Variants in MTR observed in about 807,000 individuals in gnomAD.
The protein encoded by MTR is 5-methyltetrahydrofolate-homocysteine methyltransferase.
MTR carries 84 observed loss-of-function variants against 154.8 expected under a neutral mutation model. That is an observed-to-expected ratio of 0.54 (90% CI 0.45 to 0.65). The LOEUF is 0.65. Ranked by LOEUF, MTR falls within the 30% of genes least tolerant of loss-of-function variation. The pLI, the probability that MTR is intolerant of heterozygous loss-of-function variation, is 0.00. For synonymous variants in MTR, 554 were observed against 553.9 expected, an observed-to-expected ratio of 1.00 and a Z score of 0.00; for missense variants, 1,275 against 1,570.2, an observed-to-expected ratio of 0.81 and a Z score of 3.18.
At chr1:236,870,432 G>T (rs566893690) in intron 22 of MTR, among the ~76,000 whole-genome samples, 1 of 152,306 alleles carries the variant, frequency 6.6e-6, no homozygotes, top group African/African-American at 2.4e-5. Context: ...GTCTAGATGT[G>T]TGTTTCTCAA....
intron 22 of MTR, among the ~76,000 whole-genome samples, chr1:236,871,855 A>T (rs527961702): frequency 3.3e-5 from 5 of 151,958 alleles, no homozygotes; most frequent in East Asian, 3.9e-4. Context: ...AACTTTTTTT[A>T]AAAAAGTAAT....
chr1:236,869,363 A>G (rs953691744), intron 22 of MTR, among the ~76,000 whole-genome samples: 1 of 152,138 alleles, frequency 6.6e-6, no homozygotes, highest in Non-Finnish European at 1.5e-5. Flanking sequence ...AAGCACTTAA[A>G]AAAAGAGTTT....
chr1:236,806,125 T>A lies in MTR; in HGVS notation c.250-19T>A. On this transcript the variant is annotated intron_variant, in intron 2 of 32. Transcript: ENST00000366577. ...GAAACTCTAAAGCTCATAATTGACA[T>A]TATAATCTCTTGTTGCAGGAATACT... is the stretch of plus-strand genomic sequence containing the variant. 6.2e-7 allele frequency: 1 copy of A among 1,605,984 alleles called. No individual in the cohort carries two copies.
At position 236,901,692 on chromosome 1, in the gene MTR, G is replaced by C. The variant is rs747167443; in HGVS notation, c.*4048G>C. On this transcript the variant is annotated 3_prime_UTR_variant, in exon 33 of 33. Transcript: ENST00000366577. ...GCCCTCTTCTGGGATGCAGCGGCCA[G>C]CTTCTCATGTTCTCACAGTGGGTGG... 1 of 152,292 alleles carries C rather than the reference G, an allele frequency of 6.6e-6. No homozygotes were observed. Among genetic ancestry groups the C allele is most frequent in the African/African-American group, 2.4e-5 (1 of 41,450 alleles). The allele number at this position is 152,292 out of a possible 1,614,324, so 9.4% of individuals were successfully genotyped here. A position where few individuals can be genotyped will look rare whatever the true frequency, so the allele number is the denominator to read the frequency against.
intron 1 of MTR, among the ~76,000 whole-genome samples, chr1:236,796,178 A>G (rs1660378166): frequency 6.6e-6 from 1 of 152,172 alleles, no homozygotes; most frequent in African/African-American, 2.4e-5. Flanking sequence ...ACTATTTAAA[A>G]CTACTACATG....
intron 8 of MTR, chr1:236,820,280 C>G (rs1319864978): frequency 1.3e-6 from 1 of 753,456 alleles, no homozygotes; most frequent in Non-Finnish European, 2.4e-6. Context: ...GAAGAGCAGG[C>G]TGCTACTGAA....
rs1183818254 is a variant in MTR, at chr1:236,820,099, C to T, written c.764+3556C>T. Reference sequence around the variant, plus strand: ...GCTGTGTAACACAGATTCCCCTCTGCGCTATGTGGACATTGCCATTGCATG... The same window carrying T: ...GCTGTGTAACACAGATTCCCCTCTGTGCTATGTGGACATTGCCATTGCATG... On this transcript the variant is annotated intron_variant, in intron 8 of 32. Coordinates refer to ENST00000366577, the MANE Select transcript of MTR (RefSeq NM_000254.3). 144 of 769,392 alleles carry T rather than the reference C, an allele frequency of 1.9e-4. 1 individual carries two copies. The highest frequency in any genetic ancestry group is 1.8e-3 in the South Asian group (131 of 74,546). The allele number at this position is 769,392 out of a possible 1,614,324, so 47.7% of individuals were successfully genotyped here.
chr1:236,869,067 G>A (rs905745636), intron 22 of MTR, among the ~76,000 whole-genome samples: 2 of 152,240 alleles, frequency 1.3e-5, no homozygotes, highest in African/African-American at 4.8e-5. Context: ...GTGGTGGCAT[G>A]TGTGAATTGC....
intron 28 of MTR, among the ~76,000 whole-genome samples, chr1:236,890,003 C>G (rs550633308): frequency 1.3e-5 from 2 of 152,018 alleles, no homozygotes; most frequent in Non-Finnish European, 2.9e-5. Context: ...CAGAATCCAC[C>G]GACAGAGACA....
At chr1:236,836,296 C>T (rs1662901876) in intron 14 of MTR, among the ~76,000 whole-genome samples, 1 of 151,430 alleles carries the variant, frequency 6.6e-6, no homozygotes, top group South Asian at 2.1e-4. Context: ...GGGTTTTGCT[C>T]TGTGGCCCAG....
At chr1:236,798,637 A>C (rs146492535) in intron 1 of MTR, among the ~76,000 whole-genome samples, 1 of 152,204 alleles carries the variant, frequency 6.6e-6, no homozygotes, top group African/African-American at 2.4e-5. Context: ...ACATAAAAAT[A>C]TTTCTGAAAT....
rs1402850026 is a variant in MTR, at chr1:236,861,100, T to TC, written c.2044-25_2044-24insC. The TC allele has an allele frequency of 3.0e-6, 4 of 1,355,176 alleles. No homozygotes were observed. In the East Asian group the frequency reaches 1.0e-4, roughly 35 times the overall value. The allele number at this position is 1,355,176 out of a possible 1,614,324, so 83.9% of individuals were successfully genotyped here. On this transcript the variant is annotated intron_variant, in intron 19 of 32. Coordinates refer to ENST00000366577, the MANE Select transcript of MTR (RefSeq NM_000254.3). The stretch of plus-strand genomic sequence containing the variant: ...TTTTTTTTCTTTCTTTCTTTTTCTT[T>TC]TTTTTTTTTTTTTGTCTTTTTTAGG...
At chr1:236,890,843 A>C (rs1394012553) in intron 28 of MTR, among the ~76,000 whole-genome samples, 1 of 152,184 alleles carries the variant, frequency 6.6e-6, no homozygotes. Context: ...TCTCTGACAG[A>C]ATGCTTTGGG....
At chr1:236,819,823 G>A in intron 8 of MTR, 1 of 763,262 alleles carries the variant, frequency 1.3e-6, no homozygotes. Context: ...CTGGCGGCTT[G>A]TGCCATTGTT....
In MTR at chr1:236,870,453, A is replaced by G. The variant is rs777598599; in HGVS notation, c.2406-3320A>G. Among the ~76,000 whole-genome samples, 8 of 152,246 alleles carry G rather than the reference A, an allele frequency of 5.3e-5. No homozygotes were observed. In the South Asian group the frequency reaches 8.3e-4, roughly 16 times the overall value. On this transcript the variant is annotated intron_variant, in intron 22 of 32. Coordinates refer to ENST00000366577, the MANE Select transcript of MTR (RefSeq NM_000254.3). ...ATGTGTGTTTCTCAAACTGTAATGT[A>G]CCTTCTTGTCACCTGGGGATTTTGT...
intron 18 of MTR, among the ~76,000 whole-genome samples, chr1:236,856,454 T>C (rs756349689): frequency 6.3e-5 from 9 of 143,718 alleles, no homozygotes; most frequent in Non-Finnish European, 1.2e-4. Flanking sequence ...CCTCCTCTCC[T>C]TCTTCTTTCT....
intron 15 of MTR, among the ~76,000 whole-genome samples, chr1:236,845,563 G>T (rs1663519401): frequency 6.6e-6 from 1 of 152,094 alleles, no homozygotes. Context: ...TCCAACAAAA[G>T]AATTCAACAG....
chr1:236,811,753 G>T, intron 5 of MTR: 4 of 454,040 alleles, frequency 8.8e-6, no homozygotes, highest in Non-Finnish European at 1.8e-5. Context: ...GCATCTTTAA[G>T]CAAAATGATG....
In MTR at chr1:236,852,568, C is replaced by G; in HGVS notation, c.1743C>G (p.Ser581=). Residue 581 remains serine, a synonymous_variant, in exon 17 of 33, where the codon TCC becomes TCG. Coordinates refer to ENST00000366577, the MANE Select transcript of MTR (RefSeq NM_000254.3). ...TAAGTGGAGGTCTTTCCAACTTGTC[C>G]TTCTCCTTCCGAGGAATGGAAGCCA... is the stretch of plus-strand genomic sequence containing the variant. ...ARISGGLSNL[S]FSFRGMEAIR... 6.2e-7 allele frequency: 1 copy of G among 1,614,014 alleles called. No individual in the cohort carries two copies.
Sources: gnomAD v4.1 joint callset for allele counts (sites outside exome capture counted in the v4.1 genomes callset) on GRCh38, gnomAD v4.1.1 for gene constraint, MANE v1.5 for transcripts, NCBI Gene and HGNC (gene_info 2026-07-23, HGNC 2026-07-21) for gene names.